Variants in DIP2C observed in about 807,000 individuals in gnomAD.
The protein encoded by DIP2C is DIP2 acetate--CoA ligase C (putative).
In DIP2C, 33 loss-of-function variants were observed where a neutral mutation model predicts 192.4. The observed-to-expected ratio is 0.17, with a 90% CI of 0.13 to 0.23. DIP2C has a LOEUF of 0.23. DIP2C is among the 10% of genes least tolerant of loss of function. The pLI is 1.00. For synonymous variants in DIP2C, 979 were observed against 864.1 expected, an observed-to-expected ratio of 1.13 and a Z score of -2.33; for missense variants, 1,537 against 2,110.1, an observed-to-expected ratio of 0.73 and a Z score of 5.32.
Position 596,381 on chromosome 10 carries a change from A to C in DIP2C, c.85+93113T>G, listed in dbSNP as rs1851697531. ...GCCGGGCGCAGGTGCCTGTAATCCCAGCTACTTGGGAGGCTAAAGGAGGAG... is the reference window on the plus strand; with the variant it reads ...GCCGGGCGCAGGTGCCTGTAATCCCCGCTACTTGGGAGGCTAAAGGAGGAG... On this transcript the variant is annotated intron_variant, in intron 1 of 36. Coordinates refer to ENST00000280886, the MANE Select transcript of DIP2C (RefSeq NM_014974.3). Among the ~76,000 whole-genome samples the C allele has an allele frequency of 2.0e-5, 3 of 151,206 alleles. No individual in the cohort carries two copies. In the South Asian group the frequency reaches 6.3e-4, roughly 32 times the overall value.
intron 1 of DIP2C, among the ~76,000 whole-genome samples, chr10:571,917 A>G (rs1048539035): frequency 6.6e-6 from 1 of 152,248 alleles, no homozygotes; most frequent in African/African-American, 2.4e-5. Flanking sequence ...AAAACTGTCC[A>G]TCAACTGCGA....
At chr10:414,725 GTGTGTGTGTGTGTGTACA>G (rs1965437904) in intron 7 of DIP2C, among the ~76,000 whole-genome samples, 1 of 69,718 alleles carries the variant, frequency 1.4e-5, no homozygotes, top group African/African-American at 5.6e-5. Context: ...GTGTGTGTGT[GTGTGTGTGTGTGTGTACA>G]TATATATATA....
intron 1 of DIP2C, among the ~76,000 whole-genome samples, chr10:524,246 GA>G (rs1846914574): frequency 6.6e-6 from 1 of 152,202 alleles, no homozygotes. Flanking sequence ...AGTGGCTGCA[GA>G]AAAACCCCTG....
chr10:350,251 T>TA (rs991210054), intron 24 of DIP2C, among the ~76,000 whole-genome samples: 23 of 151,876 alleles, frequency 1.5e-4, no homozygotes, highest in African/African-American at 3.9e-4. Flanking sequence ...TGGCTAATTT[T>TA]AAAAAAAAAT....
intron 29 of DIP2C, among the ~76,000 whole-genome samples, chr10:336,895 G>GGTGTGT (rs112539860): frequency 0.013 from 1,186 of 91,760 alleles, 154 homozygotes; most frequent in South Asian, 0.026. Flanking sequence ...GGCCTAGGCA[G>GGTGTGT]GTGTGTGTGT....
intron 1 of DIP2C, among the ~76,000 whole-genome samples, chr10:587,236 C>T (rs973671203): frequency 6.6e-6 from 1 of 151,964 alleles, no homozygotes; most frequent in Non-Finnish European, 1.5e-5. Context: ...GACAGCGTGG[C>T]GAGGGGCAAA....
At chr10:498,281 AG>A (rs1270200667) in intron 1 of DIP2C, among the ~76,000 whole-genome samples, 2 of 152,164 alleles carry the variant, frequency 1.3e-5, no homozygotes, top group Non-Finnish European at 2.9e-5. Context: ...CTCTTCACAA[AG>A]GGTGGGGAAG....
chr10:286,402 C>A, intron 33 of DIP2C, 55 bp from the exon 34 acceptor site: 3 of 1,498,418 alleles, frequency 2.0e-6, no homozygotes, highest in Non-Finnish European at 2.8e-6. Flanking sequence ...GGAGAGACTA[C>A]ACACAAGCCA....
At chr10:356,333 A>G in intron 24 of DIP2C, 93 bp downstream of exon 24, 1 of 1,391,060 alleles carries the variant, frequency 7.2e-7, no homozygotes, top group Non-Finnish European at 1.0e-6. Context: ...AGACTGAAGC[A>G]AAAGGATTCA....
intron 1 of DIP2C, among the ~76,000 whole-genome samples, chr10:523,439 C>G (rs112836483): frequency 1.4e-3 from 107 of 74,682 alleles, no homozygotes; most frequent in African/African-American, 2.4e-3. Context: ...GGCTCTGTGT[C>G]ACCCACACAC....
In DIP2C at chr10:599,371, A is replaced by G. The variant is rs145102194; in HGVS notation, c.85+90123T>C. 3.8e-3 allele frequency among the ~76,000 whole-genome samples: 584 copies of G among 152,360 alleles called. 9 individuals are homozygous for G. The highest frequency in any genetic ancestry group is 0.012 in the African/African-American group (519 of 41,578). ...CCATGAAATATTTAGAAACAAATCC[A>G]GCAAGCAATCTCTTTGCAATCAAAA... On this transcript the variant is annotated intron_variant, in intron 1 of 36. Transcript: ENST00000280886.
At chr10:330,812 A>ATTTT (rs56343363) in intron 29 of DIP2C, among the ~76,000 whole-genome samples, 3 of 133,386 alleles carry the variant, frequency 2.2e-5, no homozygotes, top group African/African-American at 5.7e-5. Flanking sequence ...AACCTACACA[A>ATTTT]TTTTTTTTTT....
chr10:543,536 T>G (rs1451517898), intron 1 of DIP2C, among the ~76,000 whole-genome samples: 1 of 152,232 alleles, frequency 6.6e-6, no homozygotes, highest in Non-Finnish European at 1.5e-5. Flanking sequence ...TTTCCCTGAA[T>G]ACGGTTGTTA....
chr10:427,889 G>A (rs1966697240), intron 4 of DIP2C, among the ~76,000 whole-genome samples: 1 of 152,122 alleles, frequency 6.6e-6, no homozygotes. Flanking sequence ...TACAATAAGA[G>A]TCAATCATTC....
intron 32 of DIP2C, among the ~76,000 whole-genome samples, chr10:299,327 T>C (rs1955909610): frequency 6.6e-6 from 1 of 152,214 alleles, no homozygotes; most frequent in Admixed American, 6.5e-5. Flanking sequence ...TCCAGTAATG[T>C]CCCTACAGCT....
chr10:602,690 C>G (rs568346846), intron 1 of DIP2C, among the ~76,000 whole-genome samples: 50 of 152,338 alleles, frequency 3.3e-4, no homozygotes, highest in African/African-American at 1.1e-3. Context: ...AGTCATGTTA[C>G]AACATTAGCC....
chr10:532,668 TGAGA>T (rs10546313), intron 1 of DIP2C, among the ~76,000 whole-genome samples: 2 of 84,382 alleles, frequency 2.4e-5, no homozygotes, highest in African/African-American at 1.6e-4. Flanking sequence ...AGTATGGGTG[TGAGA>T]GAGAGTATGG....
chr10:415,496 T>G (rs887918204), intron 7 of DIP2C, among the ~76,000 whole-genome samples: 4 of 152,136 alleles, frequency 2.6e-5, no homozygotes, highest in African/African-American at 9.7e-5. Context: ...TTACTTGTAT[T>G]TCTATACTCT....
At chr10:319,368 T>G (rs1956908513) in intron 31 of DIP2C, among the ~76,000 whole-genome samples, 1 of 152,226 alleles carries the variant, frequency 6.6e-6, no homozygotes, top group South Asian at 2.1e-4. Flanking sequence ...CTCAGATAAA[T>G]CAGTTATTTT....
Sources: gnomAD v4.1 joint callset for allele counts (sites outside exome capture counted in the v4.1 genomes callset) on GRCh38, gnomAD v4.1.1 for gene constraint, MANE v1.5 for transcripts, NCBI Gene and HGNC (gene_info 2026-07-23, HGNC 2026-07-21) for gene names.